SDK1: variants seen among roughly 807,000 people sequenced by gnomAD.
SDK1 encodes sidekick cell adhesion molecule 1, also known as protein sidekick-1.
In SDK1, 157 loss-of-function variants were observed where a neutral mutation model predicts 245.5. The observed-to-expected ratio is 0.64, with a 90% CI of 0.56 to 0.73. SDK1 has a LOEUF of 0.73. Among genes scored for constraint, SDK1 ranks in the 30% least tolerant of loss-of-function variants. The probability of loss-of-function intolerance (pLI) is 0.00; values close to 1 mark genes in which losing one functional copy is unlikely to be tolerated. For missense variants in SDK1, 3,583 were observed against 3,002.3 expected, an observed-to-expected ratio of 1.19 and a Z score of -4.52; for synonymous variants, 1,647 against 1,278.5, an observed-to-expected ratio of 1.29 and a Z score of -6.15.
intron 1 of SDK1, among the ~76,000 whole-genome samples, chr7:3,589,397 G>C (rs979822792): frequency 8.5e-5 from 13 of 152,196 alleles, no homozygotes; most frequent in African/African-American, 2.7e-4. Flanking sequence ...TCAGTGCACA[G>C]ACTCTTCCCG....
Position 4,267,729 on chromosome 7 carries a change from C to G in SDK1, c.*2345C>G. On this transcript the variant is annotated 3_prime_UTR_variant, in exon 45 of 45. Coordinates refer to ENST00000404826, the MANE Select transcript of SDK1 (RefSeq NM_152744.4). The stretch of plus-strand genomic sequence containing the variant: ...TGCTCTCGGGTTTTCGATACAACAT[C>G]ATGACACTTCTGTTTCAAGCTCATG... The G allele has an allele frequency of 1.0e-6, 1 of 985,474 alleles. No homozygotes were observed. The highest frequency in any genetic ancestry group is 1.2e-6 in the Non-Finnish European group (1 of 829,970). The allele number at this position is 985,474 out of a possible 1,614,324, so 61.0% of individuals were successfully genotyped here. A position where few individuals can be genotyped will look rare whatever the true frequency, so the allele number is the denominator to read the frequency against.
intron 5 of SDK1, among the ~76,000 whole-genome samples, chr7:3,924,315 T>A (rs1779695627): frequency 6.6e-6 from 1 of 152,196 alleles, no homozygotes; most frequent in South Asian, 2.1e-4. Context: ...CTGTAGGCTC[T>A]CATTTTCTAG....
chr7:3,522,303 A>G (rs1326650935), intron 1 of SDK1, among the ~76,000 whole-genome samples: 1 of 152,184 alleles, frequency 6.6e-6, no homozygotes, highest in African/African-American at 2.4e-5. Context: ...AGAGAGAGCT[A>G]AAAATTCAGA....
At chr7:4,235,050 T>G (rs1209501355) in intron 41 of SDK1, among the ~76,000 whole-genome samples, 3 of 152,204 alleles carry the variant, frequency 2.0e-5, no homozygotes, top group Non-Finnish European at 4.4e-5. Context: ...GGAACGACCC[T>G]GTGCTCGTCT....
chr7:3,965,224 G>T (rs1016383796), intron 9 of SDK1, among the ~76,000 whole-genome samples: 1 of 152,120 alleles, frequency 6.6e-6, no homozygotes, highest in Non-Finnish European at 1.5e-5. Context: ...TTGGCCCCCA[G>T]GTTGTAGTTT....
intron 4 of SDK1, among the ~76,000 whole-genome samples, chr7:3,694,842 C>A (rs750021913): frequency 7.2e-5 from 11 of 152,094 alleles, no homozygotes; most frequent in Non-Finnish European, 1.5e-4. Context: ...GACATGCAGG[C>A]CTTACTGAAA....
At chr7:3,693,854 C>T (rs192373297) in intron 4 of SDK1, among the ~76,000 whole-genome samples, 209 of 152,204 alleles carry the variant, frequency 1.4e-3, no homozygotes, top group African/African-American at 4.9e-3. Flanking sequence ...CACCTGGTCC[C>T]CGCAGCCATC....
intron 19 of SDK1, among the ~76,000 whole-genome samples, chr7:4,062,594 C>G (rs1243292522): frequency 2.6e-5 from 4 of 152,210 alleles, no homozygotes; most frequent in African/African-American, 7.2e-5. Flanking sequence ...GAAATTCTTT[C>G]TAACTCATTT....
chr7:3,567,837 G>T (rs983674696), intron 1 of SDK1, among the ~76,000 whole-genome samples: 1 of 152,002 alleles, frequency 6.6e-6, no homozygotes, highest in Non-Finnish European at 1.5e-5. Context: ...TCTAAGGCAG[G>T]GTCTTGCCCT....
At chr7:3,709,490 C>T (rs1359925620) in intron 4 of SDK1, among the ~76,000 whole-genome samples, 1 of 152,220 alleles carries the variant, frequency 6.6e-6, no homozygotes, top group East Asian at 1.9e-4. Context: ...GGCAGTCCGT[C>T]CCACTGTCAT....
chr7:3,854,487 G>A (rs1329275591), intron 5 of SDK1, among the ~76,000 whole-genome samples: 1 of 152,162 alleles, frequency 6.6e-6, no homozygotes, highest in Non-Finnish European at 1.5e-5. Context: ...GGTGTTTGTT[G>A]TTGAGTGCTA....
intron 4 of SDK1, among the ~76,000 whole-genome samples, chr7:3,678,300 T>G (rs1266028600): frequency 6.6e-6 from 1 of 152,188 alleles, no homozygotes; most frequent in Admixed American, 6.5e-5. Context: ...AGCAGAGACC[T>G]AAACAGACCT....
rs147008013 is a variant in SDK1, at chr7:3,383,872, C to A, written c.298+81988C>A. Reference sequence around the variant, plus strand: ...TAAATAGTGCCTTTAAAAATATTTTCTCTTTAGAGAAACGTGTTCAAACCC... The same window carrying A: ...TAAATAGTGCCTTTAAAAATATTTTATCTTTAGAGAAACGTGTTCAAACCC... On this transcript the variant is annotated intron_variant, in intron 1 of 44. Coordinates refer to ENST00000404826, the MANE Select transcript of SDK1 (RefSeq NM_152744.4). Among the ~76,000 whole-genome samples the A allele has an allele frequency of 5.3e-5, 8 of 152,292 alleles. No homozygotes were observed. In the East Asian group the frequency reaches 1.3e-3, roughly 26 times the overall value.
chr7:3,751,989 A>G (rs2115065468), intron 4 of SDK1, among the ~76,000 whole-genome samples: 1 of 152,364 alleles, frequency 6.6e-6, no homozygotes, highest in African/African-American at 2.4e-5. Context: ...GATAGGCAGA[A>G]GAGGAAACAA....
intron 1 of SDK1, among the ~76,000 whole-genome samples, chr7:3,522,851 C>T (rs190401711): frequency 4.4e-4 from 66 of 149,528 alleles, no homozygotes; most frequent in African/African-American, 1.6e-3. Context: ...TCGCTATTCA[C>T]ATCAGTGAGT....
At chr7:3,993,051 C>A (rs73673215) in intron 14 of SDK1, among the ~76,000 whole-genome samples, 4,518 of 152,276 alleles carry the variant, frequency 0.03, 224 homozygotes, top group African/African-American at 0.1. Context: ...AAATTAATGA[C>A]AACTAAAATC....
chr7:3,389,773 A>G (rs1270402878), intron 1 of SDK1, among the ~76,000 whole-genome samples: 2 of 152,130 alleles, frequency 1.3e-5, no homozygotes, highest in Admixed American at 1.3e-4. Flanking sequence ...ACAAAAAACT[A>G]ACGTGGAAGT....
At chr7:3,464,830 A>G (rs562445201) in intron 1 of SDK1, among the ~76,000 whole-genome samples, 2 of 152,086 alleles carry the variant, frequency 1.3e-5, no homozygotes, top group South Asian at 4.2e-4. Context: ...AATTTGGACA[A>G]ATTTTTAAAG....
chr7:3,449,499 A>G (rs1023387761), intron 1 of SDK1, among the ~76,000 whole-genome samples: 1 of 152,214 alleles, frequency 6.6e-6, no homozygotes, highest in African/African-American at 2.4e-5. Context: ...TACAGATTTG[A>G]GAAGATTTGA....
Sources: allele counts gnomAD v4.1 joint callset (sites outside exome capture counted in the v4.1 genomes callset), GRCh38; gene constraint gnomAD v4.1.1; transcripts MANE v1.5; gene names NCBI Gene and HGNC (gene_info 2026-07-23, HGNC 2026-07-21).